SLC25A30: variants seen among roughly 807,000 people sequenced by gnomAD.
SLC25A30 encodes solute carrier family 25 member 30.
In SLC25A30, 29 loss-of-function variants were observed where a neutral mutation model predicts 42.7. The observed-to-expected ratio is 0.68, with a 90% CI of 0.51 to 0.93. SLC25A30 has a LOEUF of 0.93. Among genes scored for constraint, SLC25A30 ranks in the 40% least tolerant of loss-of-function variants. SLC25A30 has a pLI of 0.00. For missense variants in SLC25A30, 300 were observed against 359.7 expected (o/e 0.83, Z 1.34); for synonymous variants, 124 against 131.0 (o/e 0.95, Z 0.37).
chr13:45,419,419 A>G (rs919184026), upstream of SLC25A30, among the ~76,000 whole-genome samples: 2 of 150,386 alleles, frequency 1.3e-5, no homozygotes, highest in East Asian at 4.1e-4. Context: ...CCCAGGTTCA[A>G]GTGATTCTGC....
At position 45,409,093 on chromosome 13, in the gene SLC25A30, A is replaced by G. The variant is rs753053811; in HGVS notation, c.65-19T>C. 5.7e-6 allele frequency: 9 copies of G among 1,574,666 alleles called. No homozygotes were observed. Among genetic ancestry groups the G allele is most frequent in the Non-Finnish European group, 7.7e-6 (9 of 1,161,616 alleles). On this transcript the variant is annotated intron_variant, in intron 2 of 9. Coordinates refer to ENST00000519676, the MANE Select transcript of SLC25A30 (RefSeq NM_001010875.4). ...AATGTACCTTAAAATTTAAAAAGAA[A>G]TTCACTTAATAAAAAGAAATTCCAC...
intron 1 of SLC25A30, among the ~76,000 whole-genome samples, chr13:45,416,470 C>A (rs916743066): frequency 2.0e-5 from 3 of 151,514 alleles, no homozygotes; most frequent in African/African-American, 4.8e-5. Context: ...AGTAAAAAAA[C>A]AACAACAAAA....
chr13:45,424,426 A>T, the SLC25A30 span, among the ~76,000 whole-genome samples: 11 of 45,416 alleles, frequency 2.4e-4, no homozygotes, highest in African/African-American at 9.8e-4. Context: ...TAAATATATG[A>T]ATATATATAT....
chr13:45,425,202 G>T, the SLC25A30 span, among the ~76,000 whole-genome samples: 1 of 96,876 alleles, frequency 1.0e-5, no homozygotes, highest in Non-Finnish European at 1.8e-5. Context: ...ATAAATATAT[G>T]TAAGTATATA....
At chr13:45,396,323 T>C (rs1164984139) in intron 9 of SLC25A30, 5 of 1,163,938 alleles carry the variant, frequency 4.3e-6, no homozygotes, top group Middle Eastern at 3.7e-4. Context: ...TGTAAGCTTT[T>C]GAGAGAGAGA....
At chr13:45,416,809 A>G (rs1883577791) in intron 1 of SLC25A30, among the ~76,000 whole-genome samples, 2 of 152,168 alleles carry the variant, frequency 1.3e-5, no homozygotes, top group South Asian at 4.2e-4. Context: ...AGTTTTCTGA[A>G]TGAAATTGTC....
At position 45,395,215 on chromosome 13, in the gene SLC25A30, T is replaced by C; in HGVS notation, c.*759A>G. On this transcript the variant is annotated 3_prime_UTR_variant, in exon 10 of 10. Transcript: ENST00000519676. ...AATACATATGCTTTGCTAAAAATCA[T>C]AAAGCTAATTACTAACATGACCTAA... 1 of 985,032 alleles carries C rather than the reference T, an allele frequency of 1.0e-6. No homozygotes were observed. The highest frequency in any genetic ancestry group is 1.2e-6 in the Non-Finnish European group (1 of 829,546). The allele number at this position is 985,032 out of a possible 1,614,324, so 61.0% of individuals were successfully genotyped here. A position where few individuals can be genotyped will look rare whatever the true frequency, so the allele number is the denominator to read the frequency against.
the SLC25A30 span, among the ~76,000 whole-genome samples, chr13:45,424,811 A>ATATATACAT: frequency 3.7e-5 from 2 of 54,390 alleles, no homozygotes; most frequent in African/African-American, 1.6e-4. Flanking sequence ...TATATAAAAA[A>ATATATACAT]ATATAAATAT....
At position 45,413,555 on chromosome 13, in the gene SLC25A30, CTTTT is replaced by C. The variant is rs71070984; in HGVS notation, c.-55-2079_-55-2076del. 2.1e-4 allele frequency among the ~76,000 whole-genome samples: 30 copies of C among 140,328 alleles called. No individual in the cohort carries two copies. In the Admixed American group the frequency reaches 2.2e-3, roughly 10 times the overall value. The allele number at this position is 140,328 out of a possible 152,430, so 92.1% of individuals were successfully genotyped here. ...TAGCCAACAGAGTCAGACTCCATCT[CTTTT>C]TTTTTTTTTTTTGAGACAAAGTCCC... On this transcript the variant is annotated intron_variant, in intron 1 of 9. Transcript: ENST00000519676.
chr13:45,412,680 G>A (rs750691387), intron 1 of SLC25A30, among the ~76,000 whole-genome samples: 4 of 152,164 alleles, frequency 2.6e-5, no homozygotes, highest in Non-Finnish European at 5.9e-5. Context: ...TGGGCATTAA[G>A]CCATATATAT....
At position 45,401,176 on chromosome 13, in the gene SLC25A30, A is replaced by G; in HGVS notation, c.521T>C (p.Ile174Thr). ...GACCGGCAGCTCCACACCAACAACA[A>G]TAGCAGCCCTCTGCGCAGTAAGGGA... ...GVSLTAQRAAIVVGVELPVYD... is the reference protein window; with the variant it reads ...GVSLTAQRAATVVGVELPVYD... The change falls in exon 7 of 10, where the codon ATT becomes ACT. Residue 174 changes from isoleucine to threonine, a missense_variant. Ile to Thr is a moderately conservative substitution (Grantham distance 89). Coordinates refer to ENST00000519676, the MANE Select transcript of SLC25A30 (RefSeq NM_001010875.4). 1 of 1,614,150 alleles carries G rather than the reference A, an allele frequency of 6.2e-7. No homozygotes were observed. The highest frequency in any genetic ancestry group is 8.5e-7 in the Non-Finnish European group (1 of 1,180,010).
At chr13:45,408,389 G>A (rs1278179761) in intron 3 of SLC25A30, among the ~76,000 whole-genome samples, 2 of 152,126 alleles carry the variant, frequency 1.3e-5, no homozygotes, top group Non-Finnish European at 1.5e-5. Flanking sequence ...TCCATGGCAG[G>A]GCTGTGGGTC....
At position 45,393,430 on chromosome 13, in the gene SLC25A30, A is replaced by G. The variant is rs1881095562; in HGVS notation, c.*2544T>C. On this transcript the variant is annotated 3_prime_UTR_variant, in exon 10 of 10. Coordinates refer to ENST00000519676, the MANE Select transcript of SLC25A30 (RefSeq NM_001010875.4). Reference sequence around the variant, plus strand: ...AAATATAAAGGCTTATGAAAACTTCATACTCTTTATATAATGCATACTATT... The same window carrying G: ...AAATATAAAGGCTTATGAAAACTTCGTACTCTTTATATAATGCATACTATT... 1.0e-6 allele frequency: 1 copy of G among 983,410 alleles called. No homozygotes were observed. The highest frequency in any genetic ancestry group is 1.2e-6 in the Non-Finnish European group (1 of 828,186). The allele number at this position is 983,410 out of a possible 1,614,324, so 60.9% of individuals were successfully genotyped here.
intron 9 of SLC25A30, chr13:45,397,057 C>T: frequency 1.8e-6 from 1 of 541,244 alleles, no homozygotes; most frequent in Non-Finnish European, 3.2e-6. Context: ...TGAATAATAC[C>T]ACCATCAAAG....
intron 4 of SLC25A30, 93 bp from the exon 5 acceptor site, chr13:45,404,505 G>T (rs1223387744): frequency 2.4e-5 from 21 of 878,796 alleles, no homozygotes; most frequent in Non-Finnish European, 3.4e-5. Flanking sequence ...CACATTACTT[G>T]TTCACCTTAA....
intron 1 of SLC25A30, among the ~76,000 whole-genome samples, chr13:45,412,570 G>C (rs1485426619): frequency 6.6e-6 from 1 of 152,008 alleles, no homozygotes; most frequent in Non-Finnish European, 1.5e-5. Context: ...TTTCTTCTTC[G>C]CCAACACCAT....
the SLC25A30 span, among the ~76,000 whole-genome samples, chr13:45,424,744 ATATCT>A: frequency 1.5e-5 from 1 of 66,350 alleles, no homozygotes; most frequent in East Asian, 3.5e-4. Flanking sequence ...TATAAATATT[ATATCT>A]ATTTATATAA....
chr13:45,430,652 T>C, the SLC25A30 span, among the ~76,000 whole-genome samples: 4 of 151,704 alleles, frequency 2.6e-5, no homozygotes, highest in East Asian at 1.9e-4. Flanking sequence ...CCAAAAAAAA[T>C]ACAAAAATTA....
intron 1 of SLC25A30, among the ~76,000 whole-genome samples, chr13:45,416,658 C>A (rs1374309302): frequency 6.6e-6 from 1 of 152,056 alleles, no homozygotes; most frequent in Non-Finnish European, 1.5e-5. Flanking sequence ...CTAGTCCCAG[C>A]TACTCCGCAG....
Sources: gnomAD v4.1 joint callset for allele counts (sites outside exome capture counted in the v4.1 genomes callset) on GRCh38, gnomAD v4.1.1 for gene constraint, MANE v1.5 for transcripts, NCBI Gene and HGNC (gene_info 2026-07-23, HGNC 2026-07-21) for gene names.